Variants in SUPT3H observed in about 807,000 individuals in gnomAD.
SUPT3H encodes SPT3 homolog, SAGA and STAGA complex component.
SUPT3H carries 44 observed loss-of-function variants against 44.3 expected under a neutral mutation model. The ratio of observed to expected loss-of-function variants is 0.99; its 90% CI spans 0.78 to 1.28. The LOEUF (loss-of-function observed/expected upper bound fraction) is 1.28. Ranked by LOEUF, SUPT3H falls within the 50% of genes most tolerant of loss-of-function variation. The pLI, the probability that SUPT3H is intolerant of heterozygous loss-of-function variation, is 0.00. For missense variants in SUPT3H, 380 were observed against 387.1 expected, an observed-to-expected ratio of 0.98 and a Z score of 0.15; for synonymous variants, 124 against 125.6, an observed-to-expected ratio of 0.99 and a Z score of 0.09.
chr6:44,958,919 GGCTGAT>G (rs1775621830), intron 7 of SUPT3H, among the ~76,000 whole-genome samples: 1 of 113,670 alleles, frequency 8.8e-6, no homozygotes, highest in African/African-American at 3.3e-5. Flanking sequence ...CTGTCCCCCA[GGCTGAT>G]AGTGCAATGG....
At chr6:45,237,983 G>A (rs532624353) in intron 2 of SUPT3H, among the ~76,000 whole-genome samples, 1 of 152,234 alleles carries the variant, frequency 6.6e-6, no homozygotes, top group Non-Finnish European at 1.5e-5. Context: ...CTTTAGCTGA[G>A]CAAGACTGTG....
intron 2 of SUPT3H, among the ~76,000 whole-genome samples, chr6:45,276,700 G>A (rs1777087868): frequency 6.6e-6 from 1 of 152,106 alleles, no homozygotes; most frequent in Non-Finnish European, 1.5e-5. Flanking sequence ...CCCATTATGA[G>A]GAGAACACAC....
At chr6:44,989,589 C>T (rs927414549) in intron 6 of SUPT3H, among the ~76,000 whole-genome samples, 3 of 152,054 alleles carry the variant, frequency 2.0e-5, no homozygotes, top group African/African-American at 7.2e-5. Flanking sequence ...TGCTGTTTTC[C>T]GTAATGACTG....
At chr6:44,887,740 C>G (rs2153438769) in intron 10 of SUPT3H, among the ~76,000 whole-genome samples, 1 of 151,326 alleles carries the variant, frequency 6.6e-6, no homozygotes, top group South Asian at 2.1e-4. Flanking sequence ...CATTCAAAAG[C>G]TAGCAGAAGG....
intron 3 of SUPT3H, among the ~76,000 whole-genome samples, chr6:45,058,057 G>A (rs911705511): frequency 7.2e-5 from 11 of 152,084 alleles, no homozygotes; most frequent in South Asian, 2.1e-4. Flanking sequence ...TTAGACACAC[G>A]AATGTGAGAA....
At chr6:44,913,414 T>C (rs1357962297) in intron 10 of SUPT3H, among the ~76,000 whole-genome samples, 1 of 152,180 alleles carries the variant, frequency 6.6e-6, no homozygotes, top group East Asian at 1.9e-4. Flanking sequence ...TCTAGCTTTT[T>C]TATTTAGCCA....
chr6:45,166,528 T>C (rs1488809096), intron 2 of SUPT3H, among the ~76,000 whole-genome samples: 24 of 133,780 alleles, frequency 1.8e-4, no homozygotes, highest in Non-Finnish European at 3.0e-5. Flanking sequence ...GAGCTTGCAG[T>C]GAGCAGAGAT....
At chr6:45,158,258 T>TTA (rs1808217047) in intron 2 of SUPT3H, among the ~76,000 whole-genome samples, 2 of 134,314 alleles carry the variant, frequency 1.5e-5, no homozygotes, top group South Asian at 4.6e-4. Flanking sequence ...TGCCTATATT[T>TTA]TATATATATA....
chr6:45,015,951 G>A (rs957296616), intron 4 of SUPT3H, among the ~76,000 whole-genome samples: 4 of 151,864 alleles, frequency 2.6e-5, no homozygotes, highest in Admixed American at 6.6e-5. Flanking sequence ...TTTTTTATTG[G>A]TATATCTCAT....
chr6:45,177,632 T>A (rs1419071503), intron 2 of SUPT3H, among the ~76,000 whole-genome samples: 3 of 150,674 alleles, frequency 2.0e-5, no homozygotes, highest in African/African-American at 7.3e-5. Context: ...TTCACCAAAG[T>A]TGAAATGAAG....
intron 10 of SUPT3H, among the ~76,000 whole-genome samples, chr6:44,851,038 G>A (rs1180899087): frequency 6.6e-6 from 1 of 152,114 alleles, no homozygotes; most frequent in East Asian, 1.9e-4. Flanking sequence ...GATGGTGTAC[G>A]TGATGGACAC....
At chr6:45,208,603 A>C (rs1273487464) in intron 2 of SUPT3H, among the ~76,000 whole-genome samples, 2 of 152,056 alleles carry the variant, frequency 1.3e-5, no homozygotes, top group African/African-American at 4.8e-5. Flanking sequence ...GTGCACCTGT[A>C]GTCCCAGCTG....
intron 10 of SUPT3H, among the ~76,000 whole-genome samples, chr6:44,912,916 C>G (rs905665397): frequency 2.6e-5 from 4 of 152,168 alleles, no homozygotes; most frequent in Non-Finnish European, 5.9e-5. Context: ...TAATATTGCA[C>G]TGATAATACA....
At chr6:44,892,820 C>T (rs986118575) in intron 10 of SUPT3H, among the ~76,000 whole-genome samples, 6 of 152,164 alleles carry the variant, frequency 3.9e-5, no homozygotes, top group Admixed American at 2.0e-4. Flanking sequence ...CACCACAGCA[C>T]ATGGCTTCAT....
intron 2 of SUPT3H, among the ~76,000 whole-genome samples, chr6:45,356,454 G>C (rs1793206835): frequency 6.6e-6 from 1 of 151,898 alleles, no homozygotes; most frequent in South Asian, 2.1e-4. Context: ...CTGGAGTGCA[G>C]TGGCGCAATC....
chr6:45,237,909 G>C (rs1287816601), intron 2 of SUPT3H, among the ~76,000 whole-genome samples: 1 of 152,124 alleles, frequency 6.6e-6, no homozygotes, highest in Non-Finnish European at 1.5e-5. Flanking sequence ...GCCTTCTCCT[G>C]CTATGATTCC....
chr6:45,371,922 C>A, intron 1 of SUPT3H: 1 of 839,070 alleles, frequency 1.2e-6, no homozygotes, highest in Non-Finnish European at 1.4e-6. Flanking sequence ...GTTTCTTGAA[C>A]TGCCCAAGGA....
intron 2 of SUPT3H, among the ~76,000 whole-genome samples, chr6:45,177,239 T>C (rs2153610844): frequency 6.6e-6 from 1 of 152,244 alleles, no homozygotes; most frequent in South Asian, 2.1e-4. Flanking sequence ...CTGATGGAGC[T>C]GAAAACCAAG....
chr6:45,346,298 C>T (rs1426249011), intron 2 of SUPT3H, among the ~76,000 whole-genome samples: 1 of 152,002 alleles, frequency 6.6e-6, no homozygotes, highest in Non-Finnish European at 1.5e-5. Flanking sequence ...ATAGGAAATG[C>T]TATGAGAAAG....
Sources: allele counts gnomAD v4.1 joint callset (sites outside exome capture counted in the v4.1 genomes callset), GRCh38; gene constraint gnomAD v4.1.1; transcripts MANE v1.5; gene names NCBI Gene and HGNC (gene_info 2026-07-23, HGNC 2026-07-21).